Variants in AOX1 observed in about 807,000 individuals in gnomAD.
AOX1 encodes aldehyde oxidase 1, also known as aldehyde oxidase.
In AOX1, 153 loss-of-function variants were observed where a neutral mutation model predicts 169.5. The observed-to-expected ratio is 0.90, with a 90% CI of 0.79 to 1.03. The LOEUF is 1.03. Among genes scored for constraint, AOX1 ranks in the 50% least tolerant of loss-of-function variants. The pLI, the probability that AOX1 is intolerant of heterozygous loss-of-function variation, is 0.00. For missense variants in AOX1, 1,656 were observed against 1,663.9 expected (o/e 1.00, Z 0.08); for synonymous variants, 562 against 581.9 (o/e 0.97, Z 0.49).
downstream of AOX1, among the ~76,000 whole-genome samples, chr2:200,676,179 T>TA (rs1388636199): frequency 2.6e-5 from 4 of 152,060 alleles, no homozygotes; most frequent in Non-Finnish European, 4.4e-5. Context: ...ATTTGTAATT[T>TA]AAAAACAAAT....
Position 200,671,162 on chromosome 2 carries a change from G to C in AOX1, c.*483G>C. On this transcript the variant is annotated 3_prime_UTR_variant, in exon 35 of 35. Coordinates refer to ENST00000374700, the MANE Select transcript of AOX1 (RefSeq NM_001159.4). ...GACACTGTATCTAAGTGGGACCAAA[G>C]AAAAAATAGCGAACTTTCACCAAAG... The C allele has an allele frequency of 6.6e-6, 1 of 152,370 alleles. No individual in the cohort carries two copies. The highest frequency in any genetic ancestry group is 1.5e-5 in the Non-Finnish European group (1 of 68,198). The allele number at this position is 152,370 out of a possible 1,614,324, so 9.4% of individuals were successfully genotyped here.
At chr2:200,677,927 G>GT (rs1020657523), downstream of AOX1, among the ~76,000 whole-genome samples, 5 of 152,200 alleles carry the variant, frequency 3.3e-5, no homozygotes, top group Non-Finnish European at 7.3e-5. Context: ...GAGTGGTTAT[G>GT]TAACGTGCCC....
intron 16 of AOX1, 104 bp from the exon 17 acceptor site, chr2:200,620,546 G>A: frequency 9.3e-7 from 1 of 1,079,060 alleles, no homozygotes; most frequent in South Asian, 2.1e-5. Context: ...ATTCTGGTTT[G>A]AGTCTAAATT....
chr2:200,623,608 C>T (rs1468405194), intron 18 of AOX1, among the ~76,000 whole-genome samples: 2 of 152,242 alleles, frequency 1.3e-5, no homozygotes, highest in African/African-American at 4.8e-5. Flanking sequence ...TGGCCTGGAG[C>T]CTGAGCCTGC....
chr2:200,656,719 T>C (rs1004091429), intron 26 of AOX1, 123 bp from the exon 27 acceptor site: 5 of 564,248 alleles, frequency 8.9e-6, no homozygotes, highest in Non-Finnish European at 1.4e-5. Flanking sequence ...CCTAAAATGT[T>C]GCTCCACCCT....
chr2:200,626,471 T>C (rs1196342304), intron 19 of AOX1, among the ~76,000 whole-genome samples: 1 of 152,214 alleles, frequency 6.6e-6, no homozygotes, highest in Non-Finnish European at 1.5e-5. Context: ...CACACCACAT[T>C]TGCCAGTGGA....
downstream of AOX1, among the ~76,000 whole-genome samples, chr2:200,681,684 A>G (rs974698868): frequency 1.3e-5 from 2 of 152,250 alleles, no homozygotes; most frequent in African/African-American, 4.8e-5. Flanking sequence ...AAACTGAGGC[A>G]GTGAGCCAGA....
chr2:200,662,696 T>C (rs1197645313), intron 30 of AOX1, among the ~76,000 whole-genome samples, 159 bp from the exon 31 acceptor site: 2 of 152,246 alleles, frequency 1.3e-5, no homozygotes, highest in African/African-American at 4.8e-5. Flanking sequence ...TAAATACTTA[T>C]TTATTCAACA....
intron 33 of AOX1, 99 bp from the exon 34 acceptor site, chr2:200,669,476 G>T: frequency 7.6e-7 from 1 of 1,310,818 alleles, no homozygotes; most frequent in Non-Finnish European, 1.1e-6. Flanking sequence ...TACATATGTA[G>T]TACGTAATAT....
At chr2:200,631,764 TTAAA>T (rs1460721208) in intron 20 of AOX1, among the ~76,000 whole-genome samples, 2 of 152,168 alleles carry the variant, frequency 1.3e-5, no homozygotes, top group African/African-American at 4.8e-5. Flanking sequence ...TCTGAATATT[TTAAA>T]TAAAGTGACT....
intron 15 of AOX1, among the ~76,000 whole-genome samples, chr2:200,615,545 A>G (rs903398955): frequency 6.6e-6 from 1 of 152,220 alleles, no homozygotes; most frequent in Non-Finnish European, 1.5e-5. Context: ...GGCAGGCAAC[A>G]TGGAACCTTT....
At chr2:200,666,185 A>G (rs2035921155) in intron 31 of AOX1, among the ~76,000 whole-genome samples, 2 of 152,230 alleles carry the variant, frequency 1.3e-5, no homozygotes, top group Admixed American at 6.5e-5. Flanking sequence ...CTTCTCTGCT[A>G]CAAAAATGAA....
At chr2:200,657,165 A>AAAAAAAAAATATATATATATATAT (rs1179205121) in intron 27 of AOX1, among the ~76,000 whole-genome samples, 1 of 88,408 alleles carries the variant, frequency 1.1e-5, no homozygotes, top group African/African-American at 5.2e-5. Flanking sequence ...CTCTACCAAA[A>AAAAAAAAAATATATATATATATAT]ATATATATAT....
At chr2:200,636,225 T>TTCAAGCGA (rs2035229017) in intron 21 of AOX1, among the ~76,000 whole-genome samples, 1 of 141,694 alleles carries the variant, frequency 7.1e-6, no homozygotes, top group Non-Finnish European at 1.5e-5. Context: ...GCCTTTCAGG[T>TTCAAGCGA]TCAAGCGATT....
chr2:200,651,661 A>G (rs2035582028), intron 26 of AOX1, among the ~76,000 whole-genome samples: 3 of 152,234 alleles, frequency 2.0e-5, no homozygotes. Context: ...GTTGGAATAA[A>G]TTAAATTCAG....
intron 26 of AOX1, among the ~76,000 whole-genome samples, chr2:200,653,679 A>G (rs1302618832): frequency 6.6e-6 from 1 of 152,250 alleles, no homozygotes; most frequent in Non-Finnish European, 1.5e-5. Context: ...TTATGCAGGC[A>G]TACCTTGTTT....
intron 25 of AOX1, among the ~76,000 whole-genome samples, chr2:200,644,054 G>A (rs938348202): frequency 1.3e-5 from 2 of 152,192 alleles, no homozygotes; most frequent in Non-Finnish European, 2.9e-5. Flanking sequence ...CCATGCAAAA[G>A]CTCTTTAGTT....
At chr2:200,601,047 C>G (rs1309318494) in intron 5 of AOX1, among the ~76,000 whole-genome samples, 1 of 139,084 alleles carries the variant, frequency 7.2e-6, no homozygotes, top group Non-Finnish European at 1.5e-5. Flanking sequence ...TAACTTTGAT[C>G]TTTCTGTCAG....
Position 200,616,064 on chromosome 2 carries a change from G to C in AOX1, c.1704+1G>C. On this transcript the variant is annotated splice_donor_variant, in intron 16 of 34. Coordinates refer to ENST00000374700, the MANE Select transcript of AOX1 (RefSeq NM_001159.4). LOFTEE classifies it high-confidence loss of function. ...TCACTGCAGTACATTAAAGTACCAG[G>C]TGAGCGGTATTTCTTGTTTTTAAAA... 6.2e-7 allele frequency: 1 copy of C among 1,607,120 alleles called. No individual in the cohort carries two copies. Among genetic ancestry groups the C allele is most frequent in the Non-Finnish European group, 8.5e-7 (1 of 1,173,772 alleles).
Sources: gnomAD v4.1 joint callset for allele counts (sites outside exome capture counted in the v4.1 genomes callset) on GRCh38, gnomAD v4.1.1 for gene constraint, MANE v1.5 for transcripts, NCBI Gene and HGNC (gene_info 2026-07-23, HGNC 2026-07-21) for gene names.